The following RANBP2 variants were observed in gnomAD, a reference collection of about 807,000 sequenced individuals.
The protein encoded by RANBP2 is E3 SUMO-protein ligase RanBP2.
A neutral mutation model predicts 303.6 loss-of-function variants in RANBP2; 57 were observed. The observed-to-expected ratio is 0.19, with a 90% CI of 0.15 to 0.23. The LOEUF is 0.23. Ranked by LOEUF, RANBP2 falls within the 10% of genes least tolerant of loss-of-function variation. RANBP2 has a pLI of 1.00. For synonymous variants in RANBP2, 1,167 were observed against 1,301.5 expected (o/e 0.90, Z 2.23); for missense variants, 3,138 against 3,780.8 (o/e 0.83, Z 4.46).
Position 108,782,619 on chromosome 2 carries a change from G to C in RANBP2, c.9126G>C (p.Gln3042His). 6.2e-7 allele frequency: 1 copy of C among 1,614,200 alleles called. No homozygotes were observed. Among genetic ancestry groups the C allele is most frequent in the Non-Finnish European group, 8.5e-7 (1 of 1,180,044 alleles). ...CFKKTFEECQ[Q>H]NLMKLQKGHV... ...AGAAAACATTTGAAGAATGTCAGCAGAATTTAATGAAACTCCAGAAAGGAC... is the reference window on the plus strand; with the variant it reads ...AGAAAACATTTGAAGAATGTCAGCACAATTTAATGAAACTCCAGAAAGGAC... The change falls in exon 28 of 29, where the codon CAG becomes CAC. Residue 3042 changes from glutamine to histidine, a missense_variant. Around this residue, in one of 20 missense-constraint regions of RANBP2, gnomAD observed 204 missense variants for 228.4 expected, o/e 0.89. Transcript: ENST00000283195.
chr2:109,334,880 G>C, the RANBP2 span, among the ~76,000 whole-genome samples: 1 of 152,236 alleles, frequency 6.6e-6, no homozygotes, highest in Non-Finnish European at 1.5e-5. Flanking sequence ...GTGGAACCCA[G>C]TGTTTTTATT....
At chr2:109,195,613 T>C in the RANBP2 span, among the ~76,000 whole-genome samples, 1 of 152,246 alleles carries the variant, frequency 6.6e-6, no homozygotes, top group African/African-American at 2.4e-5. Flanking sequence ...CATCGTTTTC[T>C]GGAAGGATGC....
At chr2:109,388,804 C>T in the RANBP2 span, among the ~76,000 whole-genome samples, 1 of 151,202 alleles carries the variant, frequency 6.6e-6, no homozygotes, top group Non-Finnish European at 1.5e-5. Context: ...CTTTGTTCTC[C>T]TAGGGTTGCT....
At chr2:109,658,326 A>C in the RANBP2 span, among the ~76,000 whole-genome samples, 6 of 102,272 alleles carry the variant, frequency 5.9e-5, no homozygotes, top group Admixed American at 2.9e-4. Context: ...AGGCACCTGT[A>C]ATCCCAGCTA....
the RANBP2 span, among the ~76,000 whole-genome samples, chr2:109,331,258 C>T: frequency 9.2e-5 from 14 of 152,204 alleles, no homozygotes; most frequent in East Asian, 1.9e-3. Flanking sequence ...CCGCCTGTCC[C>T]GCAGGGCTGG....
the RANBP2 span, among the ~76,000 whole-genome samples, chr2:109,716,842 C>A: frequency 6.6e-6 from 1 of 152,218 alleles, no homozygotes; most frequent in Non-Finnish European, 1.5e-5. Flanking sequence ...AGCCACCGCG[C>A]CCAGCCTAAT....
chr2:109,081,491 AGGT>A, the RANBP2 span, among the ~76,000 whole-genome samples: 1 of 152,080 alleles, frequency 6.6e-6, no homozygotes, highest in East Asian at 1.9e-4. Context: ...GCTGGGCTTG[AGGT>A]GGGGGTGACT....
chr2:108,928,138 G>A, the RANBP2 span, among the ~76,000 whole-genome samples: 13 of 152,090 alleles, frequency 8.5e-5, no homozygotes, highest in African/African-American at 3.1e-4. Flanking sequence ...CTCCTGCCCA[G>A]CTTGTCCACA....
At chr2:109,438,574 A>G in the RANBP2 span, among the ~76,000 whole-genome samples, 1 of 152,174 alleles carries the variant, frequency 6.6e-6, no homozygotes, top group African/African-American at 2.4e-5. Context: ...TAAATCAGCT[A>G]AGAATGATTC....
the RANBP2 span, among the ~76,000 whole-genome samples, chr2:109,522,253 C>T: frequency 1.3e-5 from 2 of 151,646 alleles, no homozygotes; most frequent in Non-Finnish European, 2.9e-5. Flanking sequence ...AGTGTCCGGC[C>T]CCACCCCAAA....
the RANBP2 span, among the ~76,000 whole-genome samples, chr2:108,873,901 C>G: frequency 6.6e-6 from 1 of 151,938 alleles, no homozygotes; most frequent in Admixed American, 6.6e-5. Flanking sequence ...GCTACTTAAG[C>G]TTTGATTATT....
the RANBP2 span, among the ~76,000 whole-genome samples, chr2:109,392,716 C>T: frequency 1.3e-5 from 2 of 151,834 alleles, no homozygotes; most frequent in Admixed American, 6.6e-5. Context: ...GGGGTTTCAC[C>T]GTGTTAGCCA....
intron 28 of RANBP2, among the ~76,000 whole-genome samples, chr2:108,783,333 TAAAAAAAAAAA>T (rs71381992): frequency 4.8e-4 from 20 of 41,428 alleles, no homozygotes; most frequent in South Asian, 3.7e-3. Context: ...AGCCTGTCAT[TAAAAAAAAAAA>T]AAAAAAAAAA....
the RANBP2 span, among the ~76,000 whole-genome samples, chr2:109,119,813 T>G: frequency 3.3e-5 from 5 of 152,194 alleles, no homozygotes; most frequent in South Asian, 2.1e-4. Flanking sequence ...TTCGTCACAG[T>G]GCTATGGAAA....
At chr2:109,304,061 AT>A in the RANBP2 span, among the ~76,000 whole-genome samples, 3 of 151,574 alleles carry the variant, frequency 2.0e-5, no homozygotes, top group Admixed American at 2.0e-4. Context: ...AGATCGCGCC[AT>A]TGCACTCCAG....
chr2:109,195,028 A>C, the RANBP2 span, among the ~76,000 whole-genome samples: 1 of 152,202 alleles, frequency 6.6e-6, no homozygotes, highest in Non-Finnish European at 1.5e-5. Context: ...GGGGGAAATG[A>C]AAATGGAAGG....
At chr2:108,789,321 G>A (rs929670323), downstream of RANBP2, among the ~76,000 whole-genome samples, 6 of 152,118 alleles carry the variant, frequency 3.9e-5, no homozygotes, top group African/African-American at 1.4e-4. Flanking sequence ...GGCCAGGTGC[G>A]GTGGCTCACG....
At chr2:109,180,027 T>G in the RANBP2 span, among the ~76,000 whole-genome samples, 4 of 151,938 alleles carry the variant, frequency 2.6e-5, no homozygotes, top group Non-Finnish European at 4.4e-5. Flanking sequence ...TTACCTCAAG[T>G]GGTGGGATCT....
chr2:108,875,400 C>G, the RANBP2 span, among the ~76,000 whole-genome samples: 1 of 149,276 alleles, frequency 6.7e-6, no homozygotes, highest in Non-Finnish European at 1.5e-5. Context: ...GATGGTTGAA[C>G]AAGTATTCTA....
Sources: allele counts gnomAD v4.1 joint callset (sites outside exome capture counted in the v4.1 genomes callset), GRCh38; gene constraint gnomAD v4.1.1; regional missense constraint gnomAD v4.1.1; transcripts MANE v1.5; gene names NCBI Gene and HGNC (gene_info 2026-07-23, HGNC 2026-07-21).